Variants in MEGF11 observed in about 807,000 individuals in gnomAD.
The protein encoded by MEGF11 is multiple epidermal growth factor-like domains protein 11.
Under a neutral mutation model 146.6 loss-of-function variants are expected in MEGF11, and 126 were observed. That is an observed-to-expected ratio of 0.86 (90% CI 0.74 to 1.00). The LOEUF (loss-of-function observed/expected upper bound fraction) is 1.00. Among genes scored for constraint, MEGF11 ranks in the 50% least tolerant of loss-of-function variants. The probability of loss-of-function intolerance (pLI) is 0.00; values close to 1 mark genes in which losing one functional copy is unlikely to be tolerated. For synonymous variants in MEGF11, 532 were observed against 583.4 expected (o/e 0.91, Z 1.27); for missense variants, 1,509 against 1,521.2 (o/e 0.99, Z 0.13).
chr15:66,018,676 C>CGAGTGCAA (rs1555461907), intron 5 of MEGF11, among the ~76,000 whole-genome samples: 1 of 151,268 alleles, frequency 6.6e-6, no homozygotes, highest in Non-Finnish European at 1.5e-5. Context: ...AGGGTGTCTG[C>CGAGTGCAA]GTGTGCAAGT....
intron 1 of MEGF11, among the ~76,000 whole-genome samples, chr15:66,214,448 G>A (rs1050578815): frequency 1.4e-4 from 21 of 152,164 alleles, no homozygotes; most frequent in African/African-American, 4.8e-4. Flanking sequence ...TGACTCTCAC[G>A]ATGTGATCTG....
rs188563115 is a variant in MEGF11, at chr15:66,006,302, T to C, written c.395-23814A>G. Among the ~76,000 whole-genome samples, 452 of 152,232 alleles carry C rather than the reference T, an allele frequency of 3.0e-3. 1 individual carries two copies. Among genetic ancestry groups the C allele is most frequent in the African/African-American group, 0.01 (427 of 41,530 alleles). ...ACTCAGTCCCTGCCAGCTCTAATGT[T>C]TTATGCACCTAGGCACCAGGCTTCT... On this transcript the variant is annotated intron_variant, in intron 5 of 25. Coordinates refer to ENST00000395614, the MANE Select transcript of MEGF11 (RefSeq NM_001385028.1).
rs1329122285 is a variant in MEGF11 at position 65,955,775 on chromosome 15, T to TATAG, written c.1287+1771_1287+1772insCTAT. Among the ~76,000 whole-genome samples, 4 of 8,450 alleles carry TATAG rather than the reference T, an allele frequency of 4.7e-4. 1 individual carries two copies. The highest frequency in any genetic ancestry group is 1.6e-3 in the Non-Finnish European group (4 of 2,576). 5.5% of individuals were successfully genotyped at this position (8,450 alleles called of 152,430 possible). Reference sequence around the variant, plus strand: ...AAAAAAAAAAAAATATATATATATATATATATATATATATATATACACACA... The same window carrying TATAG: ...AAAAAAAAAAAAATATATATATATATATAGATATATATATATATATATACACACA... On this transcript the variant is annotated intron_variant, in intron 10 of 25. Transcript: ENST00000395614.
At chr15:66,056,297 A>G (rs2084671842) in intron 5 of MEGF11, among the ~76,000 whole-genome samples, 1 of 152,070 alleles carries the variant, frequency 6.6e-6, no homozygotes, top group Non-Finnish European at 1.5e-5. Context: ...TGGGGTGGTA[A>G]AAAGGAGCAG....
intron 3 of MEGF11, among the ~76,000 whole-genome samples, chr15:66,122,052 C>T (rs550676753): frequency 1.1e-3 from 164 of 152,220 alleles, no homozygotes; most frequent in African/African-American, 3.8e-3. Context: ...ATCACGAGGT[C>T]AGGAGTTCGA....
intron 15 of MEGF11, among the ~76,000 whole-genome samples, chr15:65,918,834 A>G (rs962959674): frequency 2.6e-5 from 4 of 152,200 alleles, no homozygotes; most frequent in African/African-American, 9.7e-5. Flanking sequence ...AGGTTTGAGT[A>G]TTCATTGAGT....
chr15:66,199,310 C>T (rs575374006), intron 1 of MEGF11, among the ~76,000 whole-genome samples: 1 of 152,218 alleles, frequency 6.6e-6, no homozygotes, highest in Non-Finnish European at 1.5e-5. Flanking sequence ...AATGTAGATG[C>T]CATAGCTGAA....
intron 13 of MEGF11, among the ~76,000 whole-genome samples, chr15:65,925,172 G>A (rs574861955): frequency 2.0e-5 from 3 of 152,322 alleles, no homozygotes; most frequent in East Asian, 1.9e-4. Flanking sequence ...CACTGAATTC[G>A]TGGCAGCTGG....
intron 5 of MEGF11, among the ~76,000 whole-genome samples, chr15:65,990,144 G>A (rs1236449051): frequency 3.3e-5 from 5 of 152,148 alleles, no homozygotes; most frequent in Non-Finnish European, 7.3e-5. Context: ...CCAGGAGGTC[G>A]AGGCTGCAGT....
chr15:66,136,254 T>A (rs2088881709), intron 1 of MEGF11, among the ~76,000 whole-genome samples: 2 of 152,236 alleles, frequency 1.3e-5, no homozygotes, highest in African/African-American at 4.8e-5. Flanking sequence ...CGGAGATCAG[T>A]ATTGCTGTCG....
At chr15:65,965,246 C>T in intron 8 of MEGF11, 126 bp from the exon 9 acceptor site, 1 of 687,848 alleles carries the variant, frequency 1.5e-6, no homozygotes, top group East Asian at 2.9e-5. Flanking sequence ...CTGCTCACAG[C>T]CTCCTCCCCT....
chr15:66,066,253 G>A (rs1248966870), intron 5 of MEGF11, among the ~76,000 whole-genome samples: 1 of 152,032 alleles, frequency 6.6e-6, no homozygotes, highest in Non-Finnish European at 1.5e-5. Flanking sequence ...GCCGAGAGAC[G>A]CCAGGGGCTC....
intron 5 of MEGF11, among the ~76,000 whole-genome samples, chr15:66,004,092 T>C (rs1174332113): frequency 6.6e-6 from 1 of 152,084 alleles, no homozygotes; most frequent in Non-Finnish European, 1.5e-5. Context: ...GGGAGAGAGC[T>C]AAAAAGTCAG....
intron 5 of MEGF11, among the ~76,000 whole-genome samples, chr15:66,023,600 C>A (rs1208945157): frequency 6.6e-6 from 1 of 152,180 alleles, no homozygotes; most frequent in East Asian, 1.9e-4. Flanking sequence ...GACTCACAGC[C>A]CCAGTTGCAA....
intron 5 of MEGF11, among the ~76,000 whole-genome samples, chr15:66,003,865 G>A (rs771279228): frequency 3.3e-5 from 5 of 152,086 alleles, no homozygotes; most frequent in Admixed American, 1.3e-4. Flanking sequence ...CTTCACCAAA[G>A]CTACTCCTCC....
chr15:66,154,100 A>G (rs1051153303), intron 1 of MEGF11, among the ~76,000 whole-genome samples: 4 of 152,244 alleles, frequency 2.6e-5, no homozygotes, highest in African/African-American at 9.6e-5. Context: ...AAACAAAAAA[A>G]ACCCTTCTCT....
chr15:66,250,224 G>A (rs1261651651), intron 1 of MEGF11, among the ~76,000 whole-genome samples: 1 of 152,140 alleles, frequency 6.6e-6, no homozygotes, highest in Admixed American at 6.5e-5. Context: ...GCTGCCTTTG[G>A]GTTACCCCTG....
At chr15:66,113,889 A>G (rs1038792938) in intron 4 of MEGF11, among the ~76,000 whole-genome samples, 3 of 151,936 alleles carry the variant, frequency 2.0e-5, no homozygotes, top group South Asian at 4.2e-4. Flanking sequence ...TCAAAAAAAA[A>G]AAAGAAAAAG....
chr15:66,044,079 G>A (rs2084100470), intron 5 of MEGF11, among the ~76,000 whole-genome samples: 1 of 152,188 alleles, frequency 6.6e-6, no homozygotes, highest in African/African-American at 2.4e-5. Flanking sequence ...ACAGGAGGCA[G>A]TGATCTGGGT....
Sources: gnomAD v4.1 joint callset for allele counts (sites outside exome capture counted in the v4.1 genomes callset) on GRCh38, gnomAD v4.1.1 for gene constraint, MANE v1.5 for transcripts, NCBI Gene and HGNC (gene_info 2026-07-23, HGNC 2026-07-21) for gene names.